EPB41L4B: variants seen among roughly 807,000 people sequenced by gnomAD.
EPB41L4B encodes erythrocyte membrane protein band 4.1 like 4B.
A neutral mutation model predicts 112.5 loss-of-function variants in EPB41L4B; 30 were observed. The observed-to-expected ratio is 0.27, with a 90% CI of 0.20 to 0.36. EPB41L4B has a LOEUF of 0.36. EPB41L4B is among the 10% of genes least tolerant of loss of function. EPB41L4B has a pLI of 1.00. For synonymous variants in EPB41L4B, 408 were observed against 439.7 expected (o/e 0.93, Z 0.90); for missense variants, 1,024 against 1,133.3 (o/e 0.90, Z 1.38).
chr9:109,289,278 C>T (rs1836432407), intron 1 of EPB41L4B, among the ~76,000 whole-genome samples: 1 of 152,210 alleles, frequency 6.6e-6, no homozygotes, highest in Non-Finnish European at 1.5e-5. Flanking sequence ...AGGCCCACCC[C>T]ACCATACACA....
intron 1 of EPB41L4B, among the ~76,000 whole-genome samples, chr9:109,293,736 GT>G (rs1342124922): frequency 2.0e-5 from 3 of 148,962 alleles, no homozygotes; most frequent in Non-Finnish European, 3.0e-5. Flanking sequence ...ACTAAAAACT[GT>G]TTTTTGAAGG....
intron 20 of EPB41L4B, among the ~76,000 whole-genome samples, chr9:109,196,007 T>C (rs1249457309): frequency 6.6e-6 from 1 of 152,128 alleles, no homozygotes; most frequent in African/African-American, 2.4e-5. Context: ...TTTTTTGCTT[T>C]GAAGTTGTTT....
At position 109,268,197 on chromosome 9, in the gene EPB41L4B, A is replaced by G. The variant is rs184141666; in HGVS notation, c.454+194T>C. Among the ~76,000 whole-genome samples the G allele has an allele frequency of 1.0e-3, 159 of 152,348 alleles. 1 individual carries two copies. Among genetic ancestry groups the G allele is most frequent in the African/African-American group, 3.5e-3 (146 of 41,586 alleles). On this transcript the variant is annotated intron_variant, in intron 3 of 25. Transcript: ENST00000374566. ...GAGCACAGTTGGTTTTTCAATATCC[A>G]CTAAACATTTTTATTCAAATTTTAA...
At position 109,253,483 on chromosome 9, in the gene EPB41L4B, G is replaced by C. The variant is rs1217208567; in HGVS notation, c.1237C>G (p.Pro413Ala). The change falls in exon 12 of 26, where the codon CCT becomes GCT. Residue 413 changes from proline (P) to alanine (A), a missense_variant. Pro to Ala is a conservative substitution (Grantham distance 27, BLOSUM62 -1). Coordinates refer to ENST00000374566, the MANE Select transcript of EPB41L4B (RefSeq NM_019114.5). ...CTCCGGGATGGATAACGTTTACTAG[G>C]CTTCCTCTCAAAGGTGCTGGTTCTT... ...LRRTSTFERK[P>A]SKRYPSRRHS... 1.2e-6 allele frequency: 2 copies of C among 1,613,794 alleles called. No homozygotes were observed. Among genetic ancestry groups the C allele is most frequent in the Non-Finnish European group, 8.5e-7 (1 of 1,179,816 alleles).
chr9:109,256,370 A>G, intron 8 of EPB41L4B, 23 bp downstream of exon 8: 1 of 1,610,128 alleles, frequency 6.2e-7, no homozygotes, highest in Non-Finnish European at 8.5e-7. Context: ...AAACCAAATT[A>G]CTTAAACGCA....
chr9:109,194,546 A>T, intron 20 of EPB41L4B, 149 bp from the exon 21 acceptor site: 2 of 808,916 alleles, frequency 2.5e-6, no homozygotes, highest in Non-Finnish European at 3.7e-6. Context: ...AGCTTGCAGG[A>T]TCCAATACTC....
At chr9:109,282,584 A>G (rs1260217214) in intron 1 of EPB41L4B, among the ~76,000 whole-genome samples, 1 of 152,218 alleles carries the variant, frequency 6.6e-6, no homozygotes, top group Non-Finnish European at 1.5e-5. Context: ...ACAACCAGAC[A>G]TTACGTACCT....
intron 16 of EPB41L4B, among the ~76,000 whole-genome samples, chr9:109,215,393 C>T (rs566621275): frequency 1.1e-3 from 169 of 152,242 alleles, no homozygotes; most frequent in Non-Finnish European, 2.2e-3. Flanking sequence ...GATTCTCGTG[C>T]CTCGGCCTCC....
chr9:109,298,887 T>C (rs1483433185), intron 1 of EPB41L4B, among the ~76,000 whole-genome samples: 1 of 152,126 alleles, frequency 6.6e-6, no homozygotes, highest in Non-Finnish European at 1.5e-5. Flanking sequence ...CAAAAAAAAG[T>C]ACACCATGTC....
intron 2 of EPB41L4B, among the ~76,000 whole-genome samples, chr9:109,279,178 A>C (rs1321769134): frequency 1.3e-5 from 2 of 151,230 alleles, no homozygotes; most frequent in Non-Finnish European, 2.9e-5. Context: ...CAGCACCATT[A>C]GAAGAGTTTC....
rs1293765415 is a variant in EPB41L4B, at chr9:109,263,105, T to C, written c.579-3A>G. ...CTGTTTCATAAGGGCATTTCAATCT[T>C]GAAAAAAATAAAATGAAATTAATTC... On this transcript the variant is annotated splice_polypyrimidine_tract_variant and splice_region_variant and intron_variant, in intron 5 of 25. Coordinates refer to ENST00000374566, the MANE Select transcript of EPB41L4B (RefSeq NM_019114.5). 2 of 1,579,870 alleles carry C rather than the reference T, an allele frequency of 1.3e-6. No individual in the cohort carries two copies. Among genetic ancestry groups the C allele is most frequent in the Admixed American group, 1.7e-5 (1 of 58,486 alleles).
At position 109,232,683 on chromosome 9, in the gene EPB41L4B, C is replaced by T. The variant is rs375828174; in HGVS notation, c.1409+10935G>A. Among the ~76,000 whole-genome samples, 4 of 152,162 alleles carry T rather than the reference C, an allele frequency of 2.6e-5. No individual in the cohort carries two copies. The East Asian group carries it at 7.7e-4, about 29-fold the overall frequency. On this transcript the variant is annotated intron_variant, in intron 15 of 25. Coordinates refer to ENST00000374566, the MANE Select transcript of EPB41L4B (RefSeq NM_019114.5). ...TAGTTCAGGTTAGATGAATAAGATG[C>T]ATAATCTGTTAAGAGTAGGTTTTAG...
At chr9:109,316,611 G>A (rs1837644571) in intron 1 of EPB41L4B, among the ~76,000 whole-genome samples, 1 of 152,208 alleles carries the variant, frequency 6.6e-6, no homozygotes, top group Middle Eastern at 3.2e-3. Flanking sequence ...GTCGAAGGCA[G>A]GGCCAGGGTT....
chr9:109,314,178 C>T lies in EPB41L4B; in HGVS notation c.306+5963G>A, dbSNP rs571559987. Among the ~76,000 whole-genome samples the T allele has an allele frequency of 1.6e-4, 24 of 152,216 alleles. No individual in the cohort carries two copies. In the South Asian group the frequency reaches 4.8e-3, roughly 30 times the overall value. ...GGCAGAGAGAGGCCCGGGGAGGAGC[C>T]CACTCCCAGCCGGCCAAAGGAAGTC... On this transcript the variant is annotated intron_variant, in intron 1 of 25. Coordinates refer to ENST00000374566, the MANE Select transcript of EPB41L4B (RefSeq NM_019114.5).
chr9:109,193,919 G>A (rs1402509001), intron 21 of EPB41L4B, among the ~76,000 whole-genome samples: 3 of 152,262 alleles, frequency 2.0e-5, no homozygotes, highest in Admixed American at 2.0e-4. Context: ...TATCTTTACA[G>A]TGGACTAATA....
At chr9:109,190,092 C>A (rs548946912) in intron 22 of EPB41L4B, among the ~76,000 whole-genome samples, 1 of 152,068 alleles carries the variant, frequency 6.6e-6, no homozygotes, top group African/African-American at 2.4e-5. Flanking sequence ...CATACTACCA[C>A]GCTCGGCTAG....
intron 1 of EPB41L4B, among the ~76,000 whole-genome samples, chr9:109,318,150 CGTGTGTGT>C (rs3983533): frequency 0.029 from 4,312 of 149,574 alleles, 77 homozygotes; most frequent in South Asian, 0.06. Flanking sequence ...GGGGCATATA[CGTGTGTGT>C]GTGTGTGTGT....
At chr9:109,262,889 G>C (rs937063388) in intron 6 of EPB41L4B, among the ~76,000 whole-genome samples, 161 bp downstream of exon 6, 1 of 152,086 alleles carries the variant, frequency 6.6e-6, no homozygotes, top group East Asian at 1.9e-4. Flanking sequence ...GCTACTCCTT[G>C]CCTTCCTCAC....
chr9:109,315,622 G>A (rs1439252181), intron 1 of EPB41L4B, among the ~76,000 whole-genome samples: 1 of 152,144 alleles, frequency 6.6e-6, no homozygotes, highest in Non-Finnish European at 1.5e-5. Context: ...CTGACTGACT[G>A]AAGGGAAGTC....
Sources: allele counts gnomAD v4.1 joint callset (sites outside exome capture counted in the v4.1 genomes callset), GRCh38; gene constraint gnomAD v4.1.1; transcripts MANE v1.5; gene names NCBI Gene and HGNC (gene_info 2026-07-23, HGNC 2026-07-21).